The following GSN variants were observed in gnomAD, a reference collection of about 807,000 sequenced individuals.
GSN encodes actin-depolymerizing factor.
GSN carries 56 observed loss-of-function variants against 85.7 expected under a neutral mutation model. The observed-to-expected ratio is 0.65, with a 90% CI of 0.53 to 0.82. The LOEUF is 0.82. GSN is among the 40% of genes least tolerant of loss of function. The pLI is 0.00. For missense variants in GSN, 857 were observed against 979.8 expected, an observed-to-expected ratio of 0.87 and a Z score of 1.67; for synonymous variants, 373 against 399.1, an observed-to-expected ratio of 0.93 and a Z score of 0.78.
Position 121,332,473 on chromosome 9 carries a change from G to A in GSN, c.2066G>A (p.Arg689Gln), listed in dbSNP as rs749370822. 5.0e-6 allele frequency: 8 copies of A among 1,614,092 alleles called. No individual in the cohort carries two copies. Among genetic ancestry groups the A allele is most frequent in the African/African-American group, 2.7e-5 (2 of 75,020 alleles). ...YIETDPANRD[R>Q]RTPITVVKQG... is the part of the protein sequence containing the mutation. Reference sequence around the variant, plus strand: ...GAGACGGACCCAGCCAATCGGGATCGGCGGACGCCCATCACCGTGGTGAAG... The same window carrying A: ...GAGACGGACCCAGCCAATCGGGATCAGCGGACGCCCATCACCGTGGTGAAG... Residue 689 changes from arginine (R) to glutamine (Q), a missense_variant, in exon 18 of 18, where the codon CGG (arginine) becomes CAG (glutamine). Arg to Gln is a conservative substitution (Grantham distance 43). Coordinates refer to ENST00000432226, the MANE Select transcript of GSN (RefSeq NM_198252.3). This position sits in a 1 kb window ranked among gnomAD's most constrained non-coding sequence, Gnocchi z 4.8.
chr9:121,241,513 T>A (rs2054604745), intron 5 of GSN, among the ~76,000 whole-genome samples: 1 of 152,222 alleles, frequency 6.6e-6, no homozygotes, highest in Non-Finnish European at 1.5e-5. Context: ...TAATGTAACC[T>A]CTTCGGGCCT....
At chr9:121,209,676 G>A (rs1305397323) in intron 2 of GSN, among the ~76,000 whole-genome samples, 2 of 152,206 alleles carry the variant, frequency 1.3e-5, no homozygotes, top group Non-Finnish European at 2.9e-5. Flanking sequence ...AAGAGAAAAT[G>A]AAGCAGAGCA....
At chr9:121,249,787 G>A (rs146682990) in intron 6 of GSN, among the ~76,000 whole-genome samples, 113 of 152,350 alleles carry the variant, frequency 7.4e-4, no homozygotes, top group African/African-American at 2.7e-3. Flanking sequence ...GGGCACGTGA[G>A]CAAGCTGGGC....
rs372495522 is a variant in GSN at position 121,331,266 on chromosome 9, G to C, written c.1966-122G>C. ...CCAAATCCTTCCAGTCTTAGTTCAT[G>C]GGCTCTGTTAGAAAGGGGAGGGCTT... On this transcript the variant is annotated intron_variant, in intron 16 of 17. Transcript: ENST00000432226. 6 of 704,436 alleles carry C rather than the reference G, an allele frequency of 8.5e-6. No individual in the cohort carries two copies. In the African/African-American group the frequency reaches 8.8e-5, roughly 10 times the overall value. The allele number at this position is 704,436 out of a possible 1,614,324, so 43.6% of individuals were successfully genotyped here. A position where few individuals can be genotyped will look rare whatever the true frequency, so the allele number is the denominator to read the frequency against.
At chr9:121,277,749 C>T (rs934207273) in intron 1 of GSN, among the ~76,000 whole-genome samples, 3 of 152,052 alleles carry the variant, frequency 2.0e-5, no homozygotes, top group African/African-American at 7.2e-5. Flanking sequence ...AGAAATACAG[C>T]TAGCATTTGA....
At chr9:121,281,585 C>G (rs1419956265) in intron 2 of GSN, 23 bp downstream of exon 2, 1 of 470,344 alleles carries the variant, frequency 2.1e-6, no homozygotes, top group African/African-American at 2.0e-5. Context: ...ATACAGACAC[C>G]TGTCGTCCTC....
Position 121,312,648 on chromosome 9 carries a change from CA to C in GSN, c.663+161del, listed in dbSNP as rs200244746. Reference sequence around the variant, plus strand: ...TACTTTTTTATTTTAATTTTTGAGACAGGATCTTATTCATTGTTGCCTGAGC... The same window carrying C: ...TACTTTTTTATTTTAATTTTTGAGACGGATCTTATTCATTGTTGCCTGAGC... On this transcript the variant is annotated intron_variant, in intron 6 of 17. Transcript: ENST00000432226. 3.3e-3 allele frequency: 2,107 copies of C among 644,900 alleles called. 41 individuals are homozygous for C. The African/African-American group carries it at 0.035, about 11-fold the overall frequency. The allele number at this position is 644,900 out of a possible 1,614,324, so 39.9% of individuals were successfully genotyped here.
chr9:121,293,634 G>A (rs374629262), intron 2 of GSN, among the ~76,000 whole-genome samples: 126 of 150,456 alleles, frequency 8.4e-4, no homozygotes, highest in African/African-American at 3.0e-3. Context: ...GGAGGCGGAG[G>A]TGGCAGTGAG....
intron 5 of GSN, among the ~76,000 whole-genome samples, chr9:121,235,318 C>G (rs2054471577): frequency 6.6e-6 from 1 of 152,234 alleles, no homozygotes. Context: ...AGCAGCCACC[C>G]TACTGGTTTC....
At chr9:121,288,179 C>T (rs940754799) in intron 2 of GSN, among the ~76,000 whole-genome samples, 3 of 152,156 alleles carry the variant, frequency 2.0e-5, no homozygotes, top group Non-Finnish European at 2.9e-5. Flanking sequence ...CCTCCCGCCT[C>T]AGCCTTCCAA....
chr9:121,293,165 C>T (rs765379630), intron 2 of GSN, among the ~76,000 whole-genome samples: 16 of 152,204 alleles, frequency 1.1e-4, no homozygotes, highest in Non-Finnish European at 2.2e-4. Context: ...AAGCTTCCAG[C>T]ATTCCTGGTA....
At position 121,324,630 on chromosome 9, in the gene GSN, G is replaced by A. The variant is rs866830834; in HGVS notation, c.1402G>A (p.Gly468Ser). 1 of 1,533,456 alleles carries A rather than the reference G, an allele frequency of 6.5e-7. No individual in the cohort carries two copies. The highest frequency in any genetic ancestry group is 2.3e-4 in the Middle Eastern group (1 of 4,344). 95.0% of individuals were successfully genotyped at this position (1,533,456 alleles called of 1,614,324 possible). The stretch of plus-strand genomic sequence containing the variant: ...TGCTCAGCTGGATGAGGAGCTGGGA[G>A]GTACCCCTGTCCAGGTGAGCCCAGC... ...LTAQLDEELG[G>S]TPVQSRVVQG... The change falls in exon 12 of 18, where the codon GGT becomes AGT. Residue 468 changes from glycine (G) to serine (S), a missense_variant. By Grantham distance (56) the Gly-to-Ser change is moderately conservative. Transcript: ENST00000432226.
intron 5 of GSN, 130 bp from the exon 6 acceptor site, chr9:121,312,209 G>T: frequency 1.1e-6 from 1 of 913,782 alleles, no homozygotes; most frequent in South Asian, 1.4e-5. Context: ...TGCAGACTGT[G>T]CCAGCCTTCA....
intron 12 of GSN, among the ~76,000 whole-genome samples, chr9:121,326,177 A>T (rs76050991): frequency 6.6e-6 from 1 of 151,134 alleles, no homozygotes; most frequent in Admixed American, 6.6e-5. Flanking sequence ...GCATTCTGGA[A>T]GAATGTCCAC....
intron 6 of GSN, among the ~76,000 whole-genome samples, chr9:121,249,982 GAAGA>G (rs1163727639): frequency 6.6e-6 from 1 of 152,188 alleles, no homozygotes; most frequent in East Asian, 1.9e-4. Context: ...ACAGATGAGA[GAAGA>G]AAGAGGGCTG....
intron 6 of GSN, among the ~76,000 whole-genome samples, chr9:121,259,940 C>T (rs1016852833): frequency 6.6e-6 from 1 of 152,182 alleles, no homozygotes; most frequent in African/African-American, 2.4e-5. Context: ...TTTAAAGGCT[C>T]CTCCCCCATC....
intron 2 of GSN, chr9:121,286,479 CT>C: frequency 2.2e-6 from 2 of 889,798 alleles, no homozygotes; most frequent in Non-Finnish European, 3.3e-6. Context: ...ACCCCCAAGC[CT>C]TTGCGTCTGT....
At chr9:121,327,816 T>C (rs1045412515) in intron 14 of GSN, among the ~76,000 whole-genome samples, 8 of 151,996 alleles carry the variant, frequency 5.3e-5, no homozygotes, top group African/African-American at 1.9e-4. Flanking sequence ...TCTACTAAAA[T>C]ACAAAATTAG....
At chr9:121,243,766 C>T (rs2054649534) in intron 5 of GSN, among the ~76,000 whole-genome samples, 1 of 152,126 alleles carries the variant, frequency 6.6e-6, no homozygotes. Context: ...TTAGAAGAAA[C>T]AGGGTTTCAC....
Sources: gnomAD v4.1 joint callset for allele counts (sites outside exome capture counted in the v4.1 genomes callset) on GRCh38, gnomAD v4.1.1 for gene constraint, Gnocchi (gnomAD v3.1) non-coding constraint, MANE v1.5 for transcripts, NCBI Gene and HGNC (gene_info 2026-07-23, HGNC 2026-07-21) for gene names.